Variants in ZNF385D observed in about 807,000 individuals in gnomAD.
ZNF385D encodes the protein zinc finger protein 385D, also known as zinc finger protein 659.
ZNF385D carries 15 observed loss-of-function variants against 35.8 expected under a neutral mutation model. The ratio of observed to expected loss-of-function variants is 0.42; its 90% CI spans 0.28 to 0.64. The LOEUF (loss-of-function observed/expected upper bound fraction) is 0.64, where lower values mean the gene tolerates loss of function less well. Among genes scored for constraint, ZNF385D ranks in the 30% least tolerant of loss-of-function variants. The pLI, the probability that ZNF385D is intolerant of heterozygous loss-of-function variation, is 0.23. For synonymous variants in ZNF385D, 212 were observed against 186.8 expected, an observed-to-expected ratio of 1.13 and a Z score of -1.10; for missense variants, 474 against 494.6, an observed-to-expected ratio of 0.96 and a Z score of 0.39.
At chr3:21,945,678 G>A (rs894642475) in intron 3 of ZNF385D, among the ~76,000 whole-genome samples, 3 of 152,132 alleles carry the variant, frequency 2.0e-5, no homozygotes, top group Admixed American at 6.5e-5. Flanking sequence ...CTGGCTCAGT[G>A]ATCCTCTGCC....
intron 3 of ZNF385D, among the ~76,000 whole-genome samples, chr3:21,799,757 T>C (rs918671556): frequency 3.3e-5 from 5 of 152,016 alleles, no homozygotes; most frequent in East Asian, 3.8e-4. Context: ...AATTTGAATT[T>C]TGAAGTCCAT....
intron 3 of ZNF385D, among the ~76,000 whole-genome samples, chr3:22,074,817 G>C (rs1050674073): frequency 1.3e-5 from 2 of 151,770 alleles, no homozygotes; most frequent in African/African-American, 4.8e-5. Context: ...TCTGTCAAAA[G>C]TACATCCTTT....
chr3:22,065,052 AC>A (rs1180462987), intron 3 of ZNF385D, among the ~76,000 whole-genome samples: 1 of 152,220 alleles, frequency 6.6e-6, no homozygotes, highest in Non-Finnish European at 1.5e-5. Flanking sequence ...TATGCCACCC[AC>A]TAGCTATAAG....
intron 2 of ZNF385D, among the ~76,000 whole-genome samples, chr3:22,216,256 TTTTGA>T (rs1417275971): frequency 5.3e-5 from 8 of 152,078 alleles, no homozygotes; most frequent in African/African-American, 1.9e-4. Context: ...TTGATAAATG[TTTTGA>T]TTTAAAATTT....
intron 3 of ZNF385D, among the ~76,000 whole-genome samples, chr3:22,103,641 T>G (rs1702054584): frequency 6.6e-6 from 1 of 152,102 alleles, no homozygotes; most frequent in Non-Finnish European, 1.5e-5. Context: ...GAGTCCTATT[T>G]TGCAACTCAA....
intron 2 of ZNF385D, among the ~76,000 whole-genome samples, chr3:22,205,823 G>C (rs190707162): frequency 6.6e-6 from 1 of 152,038 alleles, no homozygotes; most frequent in East Asian, 1.9e-4. Flanking sequence ...CTAAAAGGAA[G>C]AAGGAAGGAA....
intron 2 of ZNF385D, among the ~76,000 whole-genome samples, chr3:22,300,005 T>A (rs1479429716): frequency 6.6e-6 from 1 of 151,846 alleles, no homozygotes; most frequent in Non-Finnish European, 1.5e-5. Flanking sequence ...GCCAAAGCAA[T>A]CTTGAGCACA....
chr3:22,197,460 T>C (rs1260134695), intron 2 of ZNF385D, among the ~76,000 whole-genome samples: 1 of 152,110 alleles, frequency 6.6e-6, no homozygotes, highest in Non-Finnish European at 1.5e-5. Flanking sequence ...CAATTGGCAG[T>C]TCGACTCATC....
chr3:21,472,733 A>G (rs1324765893), intron 4 of ZNF385D, among the ~76,000 whole-genome samples: 1 of 151,970 alleles, frequency 6.6e-6, no homozygotes, highest in Non-Finnish European at 1.5e-5. Flanking sequence ...GACAATGTTC[A>G]TATAAGGAGA....
chr3:22,097,870 G>T (rs541912210), intron 3 of ZNF385D, among the ~76,000 whole-genome samples: 39 of 152,112 alleles, frequency 2.6e-4, no homozygotes, highest in African/African-American at 6.5e-4. Context: ...TTACGGCCTT[G>T]ACAGGAAGAG....
intron 2 of ZNF385D, among the ~76,000 whole-genome samples, chr3:21,569,850 T>C (rs941334845): frequency 7.3e-6 from 1 of 137,232 alleles, no homozygotes; most frequent in Non-Finnish European, 1.5e-5. Flanking sequence ...TAGATGGGAA[T>C]TGAACAATGA....
intron 3 of ZNF385D, among the ~76,000 whole-genome samples, chr3:21,518,579 T>A (rs911604943): frequency 2.0e-5 from 3 of 152,170 alleles, no homozygotes; most frequent in Non-Finnish European, 4.4e-5. Flanking sequence ...AACTTCACTA[T>A]AACAAAGAAT....
intron 3 of ZNF385D, among the ~76,000 whole-genome samples, chr3:22,010,424 T>G (rs1696500825): frequency 6.6e-6 from 1 of 152,206 alleles, no homozygotes; most frequent in Non-Finnish European, 1.5e-5. Context: ...AATTATTTAC[T>G]CCCAATACCA....
chr3:21,674,994 T>C (rs916575969), intron 1 of ZNF385D, among the ~76,000 whole-genome samples: 4 of 151,964 alleles, frequency 2.6e-5, no homozygotes, highest in Non-Finnish European at 5.9e-5. Context: ...AGCTGAATCA[T>C]CACAGCCTGC....
intron 2 of ZNF385D, among the ~76,000 whole-genome samples, chr3:22,266,797 A>T (rs1163849895): frequency 6.6e-6 from 1 of 151,950 alleles, no homozygotes; most frequent in Admixed American, 6.6e-5. Context: ...TATTATCGGT[A>T]AGTAAAGTCC....
chr3:21,998,135 G>A (rs1157815362), intron 3 of ZNF385D, among the ~76,000 whole-genome samples: 1 of 151,938 alleles, frequency 6.6e-6, no homozygotes, highest in Non-Finnish European at 1.5e-5. Context: ...TACCTTATAT[G>A]GTTCCAGGAA....
intron 3 of ZNF385D, among the ~76,000 whole-genome samples, chr3:21,946,760 A>T (rs955682914): frequency 6.6e-6 from 1 of 152,230 alleles, no homozygotes; most frequent in Non-Finnish European, 1.5e-5. Flanking sequence ...TGAACCCAAG[A>T]GGCGGAGGTT....
chr3:21,602,841 TTTTCTAAAG>T (rs1368169467), intron 2 of ZNF385D, among the ~76,000 whole-genome samples: 1 of 152,104 alleles, frequency 6.6e-6, no homozygotes, highest in East Asian at 1.9e-4. Context: ...CCTCCCTGCA[TTTTCTAAAG>T]TACAAACAGA....
intron 3 of ZNF385D, among the ~76,000 whole-genome samples, chr3:21,525,751 C>T (rs1417411464): frequency 6.7e-6 from 1 of 150,054 alleles, no homozygotes; most frequent in Admixed American, 6.7e-5. Context: ...TTTTTTAGAC[C>T]ATCTGATTTT....
Sources: allele counts gnomAD v4.1 joint callset (sites outside exome capture counted in the v4.1 genomes callset), GRCh38; gene constraint gnomAD v4.1.1; transcripts MANE v1.5; gene names NCBI Gene and HGNC (gene_info 2026-07-23, HGNC 2026-07-21).